PPM1H: variants seen among roughly 807,000 people sequenced by gnomAD.
PPM1H encodes the protein protein phosphatase, Mg2+/Mn2+ dependent 1H, also known as protein phosphatase 1H.
Under a neutral mutation model 54.9 loss-of-function variants are expected in PPM1H, and 27 were observed. The observed-to-expected ratio is 0.49, with a 90% CI of 0.36 to 0.68. The LOEUF is 0.68. Ranked by LOEUF, PPM1H falls within the 30% of genes least tolerant of loss-of-function variation. The pLI is 0.00. For missense variants in PPM1H, 596 were observed against 667.8 expected, an observed-to-expected ratio of 0.89 and a Z score of 1.19; for synonymous variants, 305 against 270.8, an observed-to-expected ratio of 1.13 and a Z score of -1.24.
At chr12:62,774,151 C>T (rs776544645) in intron 4 of PPM1H, among the ~76,000 whole-genome samples, 1 of 152,138 alleles carries the variant, frequency 6.6e-6, no homozygotes, top group Non-Finnish European at 1.5e-5. Flanking sequence ...CCCTTGAAAT[C>T]AATTAGTAAG....
rs778536082 is a variant in PPM1H, at chr12:62,689,737, T to C, written c.1207A>G (p.Asn403Asp). ...GACAGGAATGGTTTAATGTAGATGT[T>C]GGAGTCATGCACCTTCAGGTCATGG... ...GDHDLKVHDS[N>D]IYIKPFLSSA... Residue 403 changes from asparagine (N) to aspartate (D), a missense_variant, in exon 8 of 10, where the codon AAC becomes GAC. Around this residue, in one of 3 missense-constraint regions of PPM1H, gnomAD observed 208 missense variants for 259.5 expected, o/e 0.80. Transcript: ENST00000228705. 5 of 1,613,860 alleles carry C rather than the reference T, an allele frequency of 3.1e-6. No homozygotes were observed. Among genetic ancestry groups the C allele is most frequent in the Admixed American group, 3.3e-5 (2 of 60,012 alleles).
rs113372614 is a variant in PPM1H at position 62,659,434 on chromosome 12, C to T, written c.1397+7744G>A. On this transcript the variant is annotated intron_variant, in intron 9 of 9. Coordinates refer to ENST00000228705, the MANE Select transcript of PPM1H (RefSeq NM_020700.2). ...AAAGATCATACAGCTCATTTTTACT[C>T]CCATCTCTGCCTGAGAGGATGGTGT... is the stretch of plus-strand genomic sequence containing the variant. 2.7e-3 allele frequency among the ~76,000 whole-genome samples: 405 copies of T among 152,246 alleles called. 4 individuals are homozygous for T. Among genetic ancestry groups the T allele is most frequent in the African/African-American group, 8.6e-3 (357 of 41,540 alleles).
intron 4 of PPM1H, among the ~76,000 whole-genome samples, chr12:62,738,567 C>A (rs2076363433): frequency 6.6e-6 from 1 of 152,178 alleles, no homozygotes; most frequent in Non-Finnish European, 1.5e-5. Context: ...GTTCCCAGAC[C>A]TTCTGATTCC....
intron 4 of PPM1H, among the ~76,000 whole-genome samples, chr12:62,782,896 C>T (rs999735956): frequency 1.2e-4 from 19 of 152,264 alleles, no homozygotes; most frequent in African/African-American, 3.9e-4. Context: ...GGTGTGATCA[C>T]GGCTCACTGC....
At chr12:62,899,296 C>T (rs955247641) in intron 1 of PPM1H, among the ~76,000 whole-genome samples, 11 of 151,930 alleles carry the variant, frequency 7.2e-5, no homozygotes, top group African/African-American at 2.2e-4. Context: ...AAAAGCTGGG[C>T]GTGGTGGCTC....
At chr12:62,895,273 G>T (rs968724965) in intron 1 of PPM1H, among the ~76,000 whole-genome samples, 1 of 152,166 alleles carries the variant, frequency 6.6e-6, no homozygotes, top group Non-Finnish European at 1.5e-5. Context: ...GTCTCAGAAA[G>T]AATTAAGGAG....
rs568190442 is a variant in PPM1H at position 62,806,846 on chromosome 12, C to T, written c.412-4686G>A. Among the ~76,000 whole-genome samples, 8 of 152,252 alleles carry T rather than the reference C, an allele frequency of 5.3e-5. No homozygotes were observed. In the South Asian group the frequency reaches 1.7e-3, roughly 32 times the overall value. ...AGAGAAGTGAGAGAACATACTAAGA[C>T]ACTGATCAAATAATCACACGTACAA... is the stretch of plus-strand genomic sequence containing the variant. On this transcript the variant is annotated intron_variant, in intron 2 of 9. Transcript: ENST00000228705.
intron 1 of PPM1H, among the ~76,000 whole-genome samples, chr12:62,887,985 T>C (rs1275339525): frequency 6.6e-6 from 1 of 152,146 alleles, no homozygotes; most frequent in African/African-American, 2.4e-5. Flanking sequence ...CAGAAGGGCA[T>C]GCAAGCATGA....
chr12:62,827,688 T>C lies in PPM1H; in HGVS notation c.411+4426A>G, dbSNP rs138800012. Reference sequence around the variant, plus strand: ...GCCAACCTGTCTTTGCCTATACATGTTCCTTCTATAAGAAACCCCCATTTC... The same window carrying C: ...GCCAACCTGTCTTTGCCTATACATGCTCCTTCTATAAGAAACCCCCATTTC... On this transcript the variant is annotated intron_variant, in intron 2 of 9. Coordinates refer to ENST00000228705, the MANE Select transcript of PPM1H (RefSeq NM_020700.2). Among the ~76,000 whole-genome samples, 6 of 152,280 alleles carry C rather than the reference T, an allele frequency of 3.9e-5. No homozygotes were observed. The East Asian group carries it at 9.7e-4, about 24-fold the overall frequency.
At chr12:62,855,874 T>C (rs374361208) in intron 1 of PPM1H, among the ~76,000 whole-genome samples, 29 of 152,338 alleles carry the variant, frequency 1.9e-4, no homozygotes, top group African/African-American at 6.5e-4. Context: ...CAAAGGGACA[T>C]AGTTACTTTG....
At chr12:62,738,058 TG>T (rs1201540413) in intron 4 of PPM1H, among the ~76,000 whole-genome samples, 2 of 152,194 alleles carry the variant, frequency 1.3e-5, no homozygotes, top group Non-Finnish European at 2.9e-5. Context: ...GGCAAGGAAC[TG>T]AATTTTTCGT....
intron 1 of PPM1H, among the ~76,000 whole-genome samples, chr12:62,874,666 A>C (rs1480515580): frequency 6.6e-6 from 1 of 152,216 alleles, no homozygotes; most frequent in East Asian, 1.9e-4. Context: ...CTAAGGTCAG[A>C]GATTTTTCCC....
intron 2 of PPM1H, among the ~76,000 whole-genome samples, chr12:62,820,837 A>G (rs1371626151): frequency 6.6e-6 from 1 of 152,214 alleles, no homozygotes; most frequent in Non-Finnish European, 1.5e-5. Flanking sequence ...AAAGCTGAAA[A>G]TTCTAAAAAC....
chr12:62,875,242 T>C (rs1870118087), intron 1 of PPM1H, among the ~76,000 whole-genome samples: 2 of 152,208 alleles, frequency 1.3e-5, no homozygotes, highest in Non-Finnish European at 2.9e-5. Context: ...TTCTGGGACA[T>C]GAAATTCTAA....
chr12:62,768,880 A>C (rs1277059999), intron 4 of PPM1H, among the ~76,000 whole-genome samples: 1 of 152,134 alleles, frequency 6.6e-6, no homozygotes, highest in East Asian at 1.9e-4. Context: ...AATCCTGTGA[A>C]ATACCAAATG....
chr12:62,739,707 G>A (rs145964540), intron 4 of PPM1H, among the ~76,000 whole-genome samples: 2 of 152,330 alleles, frequency 1.3e-5, no homozygotes, highest in East Asian at 3.9e-4. Flanking sequence ...CTTAGGTCAT[G>A]CCTGTCACAA....
At chr12:62,669,608 C>T (rs2075942538) in intron 8 of PPM1H, among the ~76,000 whole-genome samples, 1 of 152,128 alleles carries the variant, frequency 6.6e-6, no homozygotes, top group Non-Finnish European at 1.5e-5. Flanking sequence ...CTGTAAATGT[C>T]ACCCCTGGGC....
chr12:62,860,627 AC>A (rs1249428589), intron 1 of PPM1H, among the ~76,000 whole-genome samples: 4 of 152,172 alleles, frequency 2.6e-5, no homozygotes, highest in African/African-American at 9.7e-5. Flanking sequence ...TATGGTGATA[AC>A]CCTGATTATG....
chr12:62,726,281 C>T (rs1565769962), intron 5 of PPM1H, among the ~76,000 whole-genome samples: 1 of 152,018 alleles, frequency 6.6e-6, no homozygotes, highest in Non-Finnish European at 1.5e-5. Context: ...AAAACACTTA[C>T]GGTTATTAGT....
Sources: allele counts gnomAD v4.1 joint callset (sites outside exome capture counted in the v4.1 genomes callset), GRCh38; gene constraint gnomAD v4.1.1; regional missense constraint gnomAD v4.1.1; transcripts MANE v1.5; gene names NCBI Gene and HGNC (gene_info 2026-07-23, HGNC 2026-07-21).